The following MARCHF1 variants were observed in gnomAD, a reference collection of about 807,000 sequenced individuals.
MARCHF1 encodes E3 ubiquitin-protein ligase MARCHF1.
Under a neutral mutation model 54.2 loss-of-function variants are expected in MARCHF1, and 40 were observed. The ratio of observed to expected loss-of-function variants is 0.74; its 90% CI spans 0.57 to 0.96. The LOEUF (loss-of-function observed/expected upper bound fraction) is 0.96, where lower values mean the gene tolerates loss of function less well. Ranked by LOEUF, MARCHF1 falls within the 40% of genes least tolerant of loss-of-function variation. MARCHF1 has a pLI of 0.00. For missense variants in MARCHF1, 586 were observed against 656.5 expected, an observed-to-expected ratio of 0.89 and a Z score of 1.17; for synonymous variants, 236 against 236.3, an observed-to-expected ratio of 1.00 and a Z score of 0.01.
intron 4 of MARCHF1, among the ~76,000 whole-genome samples, chr4:163,776,953 TCCC>T (rs1747325324): frequency 6.6e-6 from 1 of 152,186 alleles, no homozygotes; most frequent in Non-Finnish European, 1.5e-5. Flanking sequence ...GCCTTTGTAC[TCCC>T]TTTACACATG....
At chr4:163,716,089 T>C (rs987047504) in intron 4 of MARCHF1, among the ~76,000 whole-genome samples, 5 of 152,194 alleles carry the variant, frequency 3.3e-5, no homozygotes, top group Non-Finnish European at 4.4e-5. Flanking sequence ...GGAAAATCCA[T>C]ATACTTATGT....
At chr4:163,955,381 A>C (rs1187707129) in intron 3 of MARCHF1, among the ~76,000 whole-genome samples, 1 of 151,908 alleles carries the variant, frequency 6.6e-6, no homozygotes, top group African/African-American at 2.4e-5. Flanking sequence ...AAAAAAAAAA[A>C]AAAACTTTAA....
At chr4:164,351,824 G>C (rs28757326) in intron 1 of MARCHF1, among the ~76,000 whole-genome samples, 63,860 of 150,972 alleles carry the variant, frequency 0.42, 14,387 homozygotes, top group Non-Finnish European at 0.5. Context: ...AGCTACGGGA[G>C]GACATTCAAA....
At chr4:163,894,937 T>TACATGCATGTGATGC (rs1750768192) in intron 3 of MARCHF1, among the ~76,000 whole-genome samples, 1 of 109,908 alleles carries the variant, frequency 9.1e-6, no homozygotes, top group African/African-American at 3.9e-5. Flanking sequence ...GATGCATATA[T>TACATGCATGTGATGC]ATATATGCAT....
chr4:164,150,441 C>T (rs1274616856), intron 1 of MARCHF1, among the ~76,000 whole-genome samples: 1 of 152,118 alleles, frequency 6.6e-6, no homozygotes. Context: ...TAACAAGCAA[C>T]GTCATTGGTT....
intron 1 of MARCHF1, among the ~76,000 whole-genome samples, chr4:164,166,249 T>C (rs1730376788): frequency 6.6e-6 from 1 of 152,010 alleles, no homozygotes. Context: ...CCCTATTTCA[T>C]GCATGAGATG....
At chr4:163,700,399 G>T (rs1023238398) in intron 5 of MARCHF1, among the ~76,000 whole-genome samples, 2 of 151,962 alleles carry the variant, frequency 1.3e-5, no homozygotes, top group Non-Finnish European at 2.9e-5. Flanking sequence ...CAGCTACTCA[G>T]GAGGCTGAGG....
At chr4:164,285,075 A>C (rs965050446) in intron 1 of MARCHF1, among the ~76,000 whole-genome samples, 1 of 152,220 alleles carries the variant, frequency 6.6e-6, no homozygotes, top group Non-Finnish European at 1.5e-5. Flanking sequence ...AATATTTTAT[A>C]ATAAGAAACT....
chr4:163,818,024 A>G (rs1178378719), intron 4 of MARCHF1, among the ~76,000 whole-genome samples: 1 of 150,020 alleles, frequency 6.7e-6, no homozygotes, highest in Non-Finnish European at 1.5e-5. Flanking sequence ...TGACGAGTTA[A>G]TGGGTGCAGC....
At chr4:163,893,756 G>A (rs1448855833) in intron 3 of MARCHF1, among the ~76,000 whole-genome samples, 1 of 152,068 alleles carries the variant, frequency 6.6e-6, no homozygotes, top group African/African-American at 2.4e-5. Flanking sequence ...TAATAATAAT[G>A]ATTTTTTAAA....
At chr4:164,216,373 T>C (rs1731929188) in intron 1 of MARCHF1, among the ~76,000 whole-genome samples, 1 of 152,230 alleles carries the variant, frequency 6.6e-6, no homozygotes, top group African/African-American at 2.4e-5. Flanking sequence ...AAAATAATAT[T>C]GTTAAACATT....
At chr4:164,010,756 GA>G (rs919610020) in intron 2 of MARCHF1, among the ~76,000 whole-genome samples, 1 of 151,658 alleles carries the variant, frequency 6.6e-6, no homozygotes, top group African/African-American at 2.4e-5. Context: ...CACAGAAATA[GA>G]AAAAAAATCT....
chr4:164,339,385 C>T (rs1481916099), intron 1 of MARCHF1, among the ~76,000 whole-genome samples: 2 of 152,046 alleles, frequency 1.3e-5, no homozygotes, highest in Non-Finnish European at 2.9e-5. Flanking sequence ...CTTTTCCAAC[C>T]ACAATAATAT....
At chr4:163,991,057 T>G (rs979963342) in intron 2 of MARCHF1, among the ~76,000 whole-genome samples, 6 of 152,190 alleles carry the variant, frequency 3.9e-5, no homozygotes, top group African/African-American at 1.4e-4. Context: ...TTGAGTTAAT[T>G]TGATTTATGT....
intron 4 of MARCHF1, among the ~76,000 whole-genome samples, chr4:163,825,949 T>C (rs1055323618): frequency 1.3e-5 from 2 of 151,978 alleles, no homozygotes; most frequent in Admixed American, 6.6e-5. Flanking sequence ...CTACACCCAG[T>C]GCAGAGCAGA....
At chr4:163,895,995 T>C (rs1308218080) in intron 3 of MARCHF1, among the ~76,000 whole-genome samples, 2 of 152,174 alleles carry the variant, frequency 1.3e-5, no homozygotes, top group African/African-American at 4.8e-5. Flanking sequence ...GTGAGAAGCA[T>C]TGATAGACAC....
chr4:163,996,146 C>T (rs1753071713), intron 2 of MARCHF1, among the ~76,000 whole-genome samples: 1 of 151,618 alleles, frequency 6.6e-6, no homozygotes. Context: ...TATTTTTATT[C>T]TCGTGGTTCA....
At chr4:163,731,738 GT>G (rs1745837148) in intron 4 of MARCHF1, among the ~76,000 whole-genome samples, 1 of 152,194 alleles carries the variant, frequency 6.6e-6, no homozygotes, top group Non-Finnish European at 1.5e-5. Context: ...TAGACACATT[GT>G]CTAGATATCA....
chr4:164,145,766 C>A (rs1729670916), intron 1 of MARCHF1, among the ~76,000 whole-genome samples: 1 of 136,860 alleles, frequency 7.3e-6, no homozygotes, highest in Non-Finnish European at 1.6e-5. Flanking sequence ...TGGCACAAGA[C>A]AGGGATGGCC....
Sources: allele counts gnomAD v4.1 joint callset (sites outside exome capture counted in the v4.1 genomes callset), GRCh38; gene constraint gnomAD v4.1.1; transcripts MANE v1.5; gene names NCBI Gene and HGNC (gene_info 2026-07-23, HGNC 2026-07-21).